AGPAT3: variants seen among roughly 807,000 people sequenced by gnomAD.
AGPAT3 encodes 1-acyl-sn-glycerol-3-phosphate acyltransferase gamma.
AGPAT3 carries 5 observed loss-of-function variants against 47.3 expected under a neutral mutation model. That is an observed-to-expected ratio of 0.11 (90% CI 0.06 to 0.22). The LOEUF (loss-of-function observed/expected upper bound fraction) is 0.22. Among genes scored for constraint, AGPAT3 ranks in the 10% least tolerant of loss-of-function variants. The probability of loss-of-function intolerance (pLI) is 1.00; values close to 1 mark genes in which losing one functional copy is unlikely to be tolerated. For synonymous variants in AGPAT3, 212 were observed against 208.3 expected, an observed-to-expected ratio of 1.02 and a Z score of -0.15; for missense variants, 315 against 493.0, an observed-to-expected ratio of 0.64 and a Z score of 3.42.
At chr21:43,924,242 A>T (rs1438883959) in intron 2 of AGPAT3, among the ~76,000 whole-genome samples, 1 of 149,392 alleles carries the variant, frequency 6.7e-6, no homozygotes, top group Non-Finnish European at 1.5e-5. Flanking sequence ...AGCCAGGATG[A>T]TCTCAATCTC....
chr21:43,956,326 A>C, intron 2 of AGPAT3, among the ~76,000 whole-genome samples: 1 of 152,084 alleles, frequency 6.6e-6, no homozygotes, highest in Middle Eastern at 3.4e-3. Context: ...GAGCCTCGCT[A>C]TCTGGACTGG....
intron 8 of AGPAT3, among the ~76,000 whole-genome samples, chr21:43,978,655 A>G (rs1014712554): frequency 6.6e-5 from 10 of 152,322 alleles, no homozygotes; most frequent in Admixed American, 5.9e-4. Context: ...GACAAGTATG[A>G]AGGGTAACAT....
intron 1 of AGPAT3, among the ~76,000 whole-genome samples, chr21:43,899,670 C>T (rs2145994642): frequency 6.6e-6 from 1 of 152,298 alleles, no homozygotes; most frequent in Non-Finnish European, 1.5e-5. Context: ...CTGAGCAGAG[C>T]ACCCCTCCCA....
At chr21:43,976,328 T>C (rs916250841) in intron 7 of AGPAT3, among the ~76,000 whole-genome samples, 1 of 151,692 alleles carries the variant, frequency 6.6e-6, no homozygotes, top group African/African-American at 2.4e-5. Context: ...GCCTCTCGAG[T>C]AGCTGGGATT....
At chr21:43,951,316 A>T (rs529599203) in intron 2 of AGPAT3, among the ~76,000 whole-genome samples, 29 of 152,318 alleles carry the variant, frequency 1.9e-4, no homozygotes, top group African/African-American at 7.0e-4. Context: ...TGGAACTAAG[A>T]AGTTATCTTT....
chr21:43,872,814 C>A (rs1356388520), intron 1 of AGPAT3, among the ~76,000 whole-genome samples: 2 of 152,240 alleles, frequency 1.3e-5, no homozygotes, highest in South Asian at 2.1e-4. Flanking sequence ...GGTGTGGGTA[C>A]AAACAGTGGC....
At chr21:43,869,899 C>T (rs1021241570) in intron 1 of AGPAT3, among the ~76,000 whole-genome samples, 1 of 152,200 alleles carries the variant, frequency 6.6e-6, no homozygotes, top group African/African-American at 2.4e-5. Context: ...AGAGGTGGGG[C>T]CTCACTGTGT....
intron 2 of AGPAT3, among the ~76,000 whole-genome samples, chr21:43,931,888 T>C (rs553337273): frequency 1.1e-4 from 17 of 152,072 alleles, no homozygotes; most frequent in African/African-American, 3.6e-4. Flanking sequence ...GTTGAGGTTT[T>C]GTTTCCGTTC....
intron 1 of AGPAT3, among the ~76,000 whole-genome samples, chr21:43,890,588 C>A (rs2086081252): frequency 6.7e-6 from 1 of 150,274 alleles, no homozygotes; most frequent in Non-Finnish European, 1.5e-5. Flanking sequence ...CATTTTTGCA[C>A]TTTTTGTAGA....
chr21:43,882,040 G>T (rs2085864848), intron 1 of AGPAT3, among the ~76,000 whole-genome samples: 1 of 152,270 alleles, frequency 6.6e-6, no homozygotes. Context: ...GCCGGCATTT[G>T]CAGCTCACGT....
chr21:43,878,051 A>T (rs766070818), intron 1 of AGPAT3, among the ~76,000 whole-genome samples: 25 of 151,404 alleles, frequency 1.7e-4, no homozygotes, highest in Non-Finnish European at 3.2e-4. Context: ...CTTGTTCCCC[A>T]CAGAACAAGA....
rs569102239 is a variant in AGPAT3 at position 43,972,476 on chromosome 21, G to C, written c.767+986G>C. On this transcript the variant is annotated intron_variant, in intron 7 of 9. Transcript: ENST00000291572. Reference sequence around the variant, plus strand: ...GCCTTTTTCAAACCCTGTCTTGAGAGTTGGGGCTTCAGTGCTATGGGGCCC... The same window carrying C: ...GCCTTTTTCAAACCCTGTCTTGAGACTTGGGGCTTCAGTGCTATGGGGCCC... Among the ~76,000 whole-genome samples, 122 of 152,286 alleles carry C rather than the reference G, an allele frequency of 8.0e-4. 1 individual carries two copies. Among genetic ancestry groups the C allele is most frequent in the Non-Finnish European group, 1.5e-3 (101 of 68,032 alleles).
intron 1 of AGPAT3, among the ~76,000 whole-genome samples, chr21:43,878,719 T>A (rs1267276198): frequency 6.6e-6 from 1 of 151,598 alleles, no homozygotes; most frequent in Non-Finnish European, 1.5e-5. Flanking sequence ...GTTTAATAGT[T>A]TTTTATTTCC....
At chr21:43,959,424 G>A (rs908460722) in intron 2 of AGPAT3, among the ~76,000 whole-genome samples, 3 of 149,858 alleles carry the variant, frequency 2.0e-5, no homozygotes, top group Non-Finnish European at 4.5e-5. Context: ...GGTTTGTGGT[G>A]TGTGGCGTGT....
intron 2 of AGPAT3, among the ~76,000 whole-genome samples, chr21:43,946,036 G>A (rs2087871346): frequency 6.6e-6 from 1 of 152,156 alleles, no homozygotes; most frequent in South Asian, 2.1e-4. Context: ...AGGACTCAGG[G>A]GTTCCAGCCA....
In AGPAT3 at chr21:43,987,293, CA is replaced by C. The variant is rs1253838542; in HGVS notation, c.*4902del. ...TCCTTGGAGGCCATCCTGCCGATGG[CA>C]CTTTTCAAGGCCCTCCCTTCCCTAC... On this transcript the variant is annotated 3_prime_UTR_variant, in exon 10 of 10. Transcript: ENST00000291572. Among the ~76,000 whole-genome samples, 1 of 152,196 alleles carries C rather than the reference CA, an allele frequency of 6.6e-6. No individual in the cohort carries two copies. The highest frequency in any genetic ancestry group is 1.5e-5 in the Non-Finnish European group (1 of 68,034).
rs2087269212 is a variant in AGPAT3, at chr21:43,932,122, T to C, written c.-48-27512T>C. The stretch of plus-strand genomic sequence containing the variant: ...CCAACATCGTTTTTGGTGGTGTGGA[T>C]GTTAAAAATCTATTCTTTCCCTGAT... On this transcript the variant is annotated intron_variant, in intron 2 of 9. Transcript: ENST00000291572. This position sits in a 1 kb window ranked among gnomAD's most constrained non-coding sequence, Gnocchi z 5.2. Among the ~76,000 whole-genome samples, 1 of 152,252 alleles carries C rather than the reference T, an allele frequency of 6.6e-6. No individual in the cohort carries two copies. The highest frequency in any genetic ancestry group is 6.5e-5 in the Admixed American group (1 of 15,286).
At chr21:43,909,870 A>G (rs74594235) in intron 2 of AGPAT3, among the ~76,000 whole-genome samples, 6 of 152,214 alleles carry the variant, frequency 3.9e-5, no homozygotes, top group Admixed American at 3.3e-4. Flanking sequence ...TGCAGGGTCT[A>G]TCTGAACGCT....
At chr21:43,900,370 A>G (rs1352533466) in intron 1 of AGPAT3, among the ~76,000 whole-genome samples, 4 of 152,230 alleles carry the variant, frequency 2.6e-5, no homozygotes, top group Admixed American at 6.5e-5. Flanking sequence ...AAAGTGCATG[A>G]AGCCACAGGC....
Sources: gnomAD v4.1 joint callset for allele counts (sites outside exome capture counted in the v4.1 genomes callset) on GRCh38, gnomAD v4.1.1 for gene constraint, Gnocchi (gnomAD v3.1) non-coding constraint, MANE v1.5 for transcripts, NCBI Gene and HGNC (gene_info 2026-07-23, HGNC 2026-07-21) for gene names.